AUTS2: variants seen among roughly 807,000 people sequenced by gnomAD.
The protein encoded by AUTS2 is autism susceptibility gene 2 protein.
AUTS2 carries 17 observed loss-of-function variants against 112.4 expected under a neutral mutation model. The observed-to-expected ratio is 0.15, with a 90% CI of 0.10 to 0.23. The LOEUF is 0.23. Among genes scored for constraint, AUTS2 ranks in the 10% least tolerant of loss-of-function variants. The pLI, the probability that AUTS2 is intolerant of heterozygous loss-of-function variation, is 1.00. For synonymous variants in AUTS2, 751 were observed against 702.7 expected (o/e 1.07, Z -1.09); for missense variants, 1,510 against 1,701.6 (o/e 0.89, Z 1.98).
intron 2 of AUTS2, among the ~76,000 whole-genome samples, chr7:70,053,997 C>A (rs1370340224): frequency 1.3e-5 from 2 of 152,186 alleles, no homozygotes; most frequent in Non-Finnish European, 2.9e-5. Context: ...TAAACTATGG[C>A]AGTCAAGAAA....
chr7:70,476,264 G>A (rs1228850306), intron 5 of AUTS2, among the ~76,000 whole-genome samples: 2 of 152,118 alleles, frequency 1.3e-5, no homozygotes, highest in Non-Finnish European at 2.9e-5. Context: ...AGTGAGTACA[G>A]AGTGCTGGGA....
intron 4 of AUTS2, among the ~76,000 whole-genome samples, chr7:70,252,891 A>G (rs1373847281): frequency 1.3e-5 from 2 of 152,092 alleles, no homozygotes; most frequent in Non-Finnish European, 2.9e-5. Context: ...AAATCAGCTA[A>G]CCAAAAGTGT....
intron 1 of AUTS2, among the ~76,000 whole-genome samples, chr7:69,882,800 G>A (rs761843445): frequency 3.3e-5 from 5 of 152,132 alleles, no homozygotes; most frequent in Admixed American, 6.5e-5. Context: ...CACATTCAAT[G>A]ACACTCATTA....
At chr7:70,177,957 C>A (rs1809083827) in intron 4 of AUTS2, among the ~76,000 whole-genome samples, 1 of 149,740 alleles carries the variant, frequency 6.7e-6, no homozygotes, top group African/African-American at 2.5e-5. Flanking sequence ...TGCGCTGTCA[C>A]CAGGCTGGAG....
intron 1 of AUTS2, among the ~76,000 whole-genome samples, chr7:69,753,044 T>G (rs1282468223): frequency 6.6e-6 from 1 of 152,214 alleles, no homozygotes; most frequent in Non-Finnish European, 1.5e-5. Flanking sequence ...GGTTTAGATA[T>G]TGGCTTCACT....
chr7:69,620,863 A>C lies in AUTS2; in HGVS notation c.309+20901A>C, dbSNP rs1307372064. On this transcript the variant is annotated intron_variant, in intron 1 of 18. Transcript: ENST00000342771. ...GGGGATGGTGTATGCAGGCAAATAGAGAATCCAGTACTTGTGAATCTGCCT... is the reference window on the plus strand; with the variant it reads ...GGGGATGGTGTATGCAGGCAAATAGCGAATCCAGTACTTGTGAATCTGCCT... 2.0e-5 allele frequency among the ~76,000 whole-genome samples: 3 copies of C among 152,158 alleles called. No individual in the cohort carries two copies. In the East Asian group the frequency reaches 5.8e-4, roughly 29 times the overall value.
rs189728918 is a variant in AUTS2, at chr7:70,521,959, A to G, written c.690+86178A>G. On this transcript the variant is annotated intron_variant, in intron 5 of 18. Transcript: ENST00000342771. Reference sequence around the variant, plus strand: ...AGGGCTATTGAGAGGATCACATGAAATAACATATCAGATGTTCTTATTACA... The same window carrying G: ...AGGGCTATTGAGAGGATCACATGAAGTAACATATCAGATGTTCTTATTACA... Among the ~76,000 whole-genome samples the G allele has an allele frequency of 2.0e-5, 3 of 152,330 alleles. No individual in the cohort carries two copies. In the East Asian group the frequency reaches 5.8e-4, roughly 29 times the overall value.
rs76988933 is a variant in AUTS2 at position 69,851,986 on chromosome 7, A to G, written c.310-47300A>G. On this transcript the variant is annotated intron_variant, in intron 1 of 18. Transcript: ENST00000342771. ...TACCTTTTCCTTTTATTGCCTTATT[A>G]TGCTGGTTGGAGCTTCAGTACTATG... Among the ~76,000 whole-genome samples the G allele has an allele frequency of 2.0e-5, 3 of 152,220 alleles. No homozygotes were observed. The East Asian group carries it at 5.8e-4, about 30-fold the overall frequency.
At chr7:69,687,951 A>G (rs1007498960) in intron 1 of AUTS2, among the ~76,000 whole-genome samples, 3 of 152,186 alleles carry the variant, frequency 2.0e-5, no homozygotes, top group Non-Finnish European at 2.9e-5. Flanking sequence ...GTCAAATTAA[A>G]CGTTTTACTC....
At chr7:70,762,519 C>T (rs1474142471) in intron 6 of AUTS2, among the ~76,000 whole-genome samples, 3 of 152,080 alleles carry the variant, frequency 2.0e-5, no homozygotes, top group Admixed American at 6.5e-5. Flanking sequence ...CCTTCCAACT[C>T]GGCCTCTCAA....
At chr7:70,335,774 G>C (rs1224374941) in intron 4 of AUTS2, among the ~76,000 whole-genome samples, 3 of 152,182 alleles carry the variant, frequency 2.0e-5, no homozygotes, top group Admixed American at 1.3e-4. Context: ...AGGTATGGCT[G>C]CATGGAAAAT....
rs897249634 is a variant in AUTS2, at chr7:70,694,955, C to G, written c.691-3614C>G. 2.6e-5 allele frequency: 4 copies of G among 152,498 alleles called. No homozygotes were observed. Among genetic ancestry groups the G allele is most frequent in the South Asian group, 2.1e-4 (1 of 4,826 alleles). 9.4% of individuals were successfully genotyped at this position (152,498 alleles called of 1,614,324 possible). ...TTCGTGTGTTTTGGTGGTTTCCCCC[C>G]TGGTCTTTGACGATCGCCCTTCGGG... On this transcript the variant is annotated intron_variant, in intron 5 of 18. Transcript: ENST00000342771. This position sits in a 1 kb window ranked among gnomAD's most constrained non-coding sequence, Gnocchi z 4.1.
intron 2 of AUTS2, among the ~76,000 whole-genome samples, chr7:70,036,252 A>G (rs1320810479): frequency 1.3e-5 from 2 of 152,240 alleles, no homozygotes; most frequent in Non-Finnish European, 2.9e-5. Flanking sequence ...ATGCATGCCA[A>G]GTTTGAGGCC....
At chr7:70,220,395 G>GT (rs972763089) in intron 4 of AUTS2, among the ~76,000 whole-genome samples, 1 of 152,156 alleles carries the variant, frequency 6.6e-6, no homozygotes, top group African/African-American at 2.4e-5. Context: ...AGTATCAGAC[G>GT]TGTGTTAGGC....
chr7:69,948,259 C>G (rs1031379731), intron 2 of AUTS2, among the ~76,000 whole-genome samples: 8 of 152,174 alleles, frequency 5.3e-5, no homozygotes, highest in African/African-American at 1.9e-4. Context: ...CAAATAACTT[C>G]ACACAGTGAA....
chr7:70,365,430 G>A (rs758665234), intron 4 of AUTS2, among the ~76,000 whole-genome samples: 11 of 152,216 alleles, frequency 7.2e-5, no homozygotes, highest in South Asian at 2.1e-4. Context: ...TGCATGTGAC[G>A]TGTGGTGTAG....
At chr7:70,506,728 G>T (rs1469225413) in intron 5 of AUTS2, among the ~76,000 whole-genome samples, 1 of 152,218 alleles carries the variant, frequency 6.6e-6, no homozygotes, top group East Asian at 1.9e-4. Flanking sequence ...ACCCCTTCTG[G>T]CTGCCCTTCT....
chr7:69,755,520 C>T (rs562608658), intron 1 of AUTS2, among the ~76,000 whole-genome samples: 3 of 152,112 alleles, frequency 2.0e-5, no homozygotes, highest in Admixed American at 6.5e-5. Context: ...TCTCACTCTA[C>T]GCTTCCTTTT....
At chr7:70,092,680 T>C (rs139710054) in intron 2 of AUTS2, among the ~76,000 whole-genome samples, 1 of 152,220 alleles carries the variant, frequency 6.6e-6, no homozygotes, top group East Asian at 1.9e-4. Flanking sequence ...TGCACTGAAA[T>C]TTCTTTGATG....
Sources: allele counts gnomAD v4.1 joint callset (sites outside exome capture counted in the v4.1 genomes callset), GRCh38; gene constraint gnomAD v4.1.1; non-coding constraint Gnocchi (gnomAD v3.1); transcripts MANE v1.5; gene names NCBI Gene and HGNC (gene_info 2026-07-23, HGNC 2026-07-21).